CUEDC1: variants seen among roughly 807,000 people sequenced by gnomAD.
CUEDC1 encodes the protein CUE domain containing 1, also known as CUE domain-containing protein 1.
A neutral mutation model predicts 43.7 loss-of-function variants in CUEDC1; 30 were observed. The observed-to-expected ratio is 0.69, with a 90% CI of 0.51 to 0.93. The LOEUF (loss-of-function observed/expected upper bound fraction) is 0.93, where lower values mean the gene tolerates loss of function less well. Ranked by LOEUF, CUEDC1 falls within the 40% of genes least tolerant of loss-of-function variation. The pLI is 0.00. For synonymous variants in CUEDC1, 223 were observed against 223.6 expected, an observed-to-expected ratio of 1.00 and a Z score of 0.02; for missense variants, 486 against 549.0, an observed-to-expected ratio of 0.89 and a Z score of 1.15.
intron 2 of CUEDC1, among the ~76,000 whole-genome samples, chr17:57,883,273 G>T (rs1368928362): frequency 6.6e-6 from 1 of 152,210 alleles, no homozygotes; most frequent in Non-Finnish European, 1.5e-5. Flanking sequence ...ACACAGGGAT[G>T]AGCCAGATGT....
chr17:57,887,898 CTTTTT>C (rs748886251), intron 1 of CUEDC1, among the ~76,000 whole-genome samples: 1 of 118,032 alleles, frequency 8.5e-6, no homozygotes, highest in Non-Finnish European at 1.8e-5. Flanking sequence ...TTCTTTTTCT[CTTTTT>C]TTTTTTTTTT....
intron 1 of CUEDC1, among the ~76,000 whole-genome samples, chr17:57,953,207 C>T (rs907738743): frequency 2.6e-5 from 4 of 152,200 alleles, no homozygotes; most frequent in African/African-American, 9.7e-5. Context: ...CCAGCTGAAA[C>T]ACCAGAATAT....
intron 1 of CUEDC1, among the ~76,000 whole-genome samples, chr17:57,912,650 C>T (rs987189921): frequency 7.2e-5 from 11 of 151,986 alleles, no homozygotes; most frequent in African/African-American, 2.7e-4. Flanking sequence ...ATAAAGACAC[C>T]GTTTGGAAGA....
At chr17:57,914,616 G>T (rs911960450) in intron 1 of CUEDC1, among the ~76,000 whole-genome samples, 7 of 152,210 alleles carry the variant, frequency 4.6e-5, no homozygotes, top group Non-Finnish European at 1.0e-4. Context: ...AAGGGACAGG[G>T]ATAATGCTAT....
intron 2 of CUEDC1, among the ~76,000 whole-genome samples, chr17:57,880,651 A>G (rs1015250020): frequency 1.3e-5 from 2 of 152,168 alleles, no homozygotes; most frequent in Non-Finnish European, 2.9e-5. Context: ...TGGGGCAGCT[A>G]AACACATGGC....
intron 1 of CUEDC1, among the ~76,000 whole-genome samples, chr17:57,942,691 A>T (rs2074927552): frequency 6.6e-6 from 1 of 151,122 alleles, no homozygotes; most frequent in African/African-American, 2.4e-5. Context: ...ACCCGGCCAA[A>T]TTGTCTAGTT....
At position 57,907,839 on chromosome 17, in the gene CUEDC1, C is replaced by CAAA. The variant is rs869267040; in HGVS notation, c.-315-21963_-315-21961dup. Among the ~76,000 whole-genome samples, 222 of 83,876 alleles carry CAAA rather than the reference C, an allele frequency of 2.6e-3. 1 individual carries two copies. The highest frequency in any genetic ancestry group is 8.4e-3 in the African/African-American group (206 of 24,520). The allele number at this position is 83,876 out of a possible 152,430, so 55.0% of individuals were successfully genotyped here. A position where few individuals can be genotyped will look rare whatever the true frequency, so the allele number is the denominator to read the frequency against. ...CCAGCCTGGGCAAAAGAGTGAGACTCAAAAAAAAAAAAAAAAAATACTGTA... is the reference window on the plus strand; with the variant it reads ...CCAGCCTGGGCAAAAGAGTGAGACTCAAAAAAAAAAAAAAAAAAAAATACTGTA... On this transcript the variant is annotated intron_variant, in intron 1 of 10. Transcript: ENST00000577830.
chr17:57,929,804 CTCTT>C (rs1332557127), intron 1 of CUEDC1, among the ~76,000 whole-genome samples: 7 of 152,130 alleles, frequency 4.6e-5, no homozygotes, highest in Non-Finnish European at 5.9e-5. Flanking sequence ...GTCTCTCTCT[CTCTT>C]TTTCTTTTTT....
At chr17:57,951,665 G>C (rs958955135) in intron 1 of CUEDC1, among the ~76,000 whole-genome samples, 1 of 151,946 alleles carries the variant, frequency 6.6e-6, no homozygotes, top group African/African-American at 2.4e-5. Flanking sequence ...CACCATGTTG[G>C]CCAGGCTGGT....
intron 3 of CUEDC1, among the ~76,000 whole-genome samples, chr17:57,875,582 A>C (rs1255539979): frequency 6.6e-6 from 1 of 152,138 alleles, no homozygotes; most frequent in African/African-American, 2.4e-5. Flanking sequence ...ACGCAAATAA[A>C]AAAAAAAACT....
At chr17:57,888,095 G>A (rs1255709993) in intron 1 of CUEDC1, among the ~76,000 whole-genome samples, 1 of 151,354 alleles carries the variant, frequency 6.6e-6, no homozygotes, top group Non-Finnish European at 1.5e-5. Flanking sequence ...TGGAAATGGG[G>A]TTTTACCATG....
At chr17:57,914,382 G>A (rs936230391) in intron 1 of CUEDC1, among the ~76,000 whole-genome samples, 1 of 152,144 alleles carries the variant, frequency 6.6e-6, no homozygotes, top group Non-Finnish European at 1.5e-5. Context: ...GGGTCGGGAG[G>A]AGCTACCTCT....
chr17:57,875,415 A>C (rs73992333), intron 3 of CUEDC1, among the ~76,000 whole-genome samples: 8,133 of 152,218 alleles, frequency 0.053, 666 homozygotes, highest in African/African-American at 0.18. Context: ...CCTTGCTGCT[A>C]GGCCTGTGGT....
At chr17:57,912,980 G>A (rs2074600324) in intron 1 of CUEDC1, among the ~76,000 whole-genome samples, 1 of 152,114 alleles carries the variant, frequency 6.6e-6, no homozygotes, top group Admixed American at 6.5e-5. Flanking sequence ...GAGTAGCTAG[G>A]CCTACAGGCT....
intron 1 of CUEDC1, among the ~76,000 whole-genome samples, chr17:57,951,945 C>G (rs989181553): frequency 2.6e-5 from 4 of 152,176 alleles, no homozygotes; most frequent in Non-Finnish European, 5.9e-5. Flanking sequence ...AATGCGCTGA[C>G]ACATCAGAGG....
intron 1 of CUEDC1, among the ~76,000 whole-genome samples, chr17:57,921,955 A>G (rs1290204371): frequency 2.0e-5 from 3 of 152,162 alleles, no homozygotes; most frequent in Non-Finnish European, 4.4e-5. Context: ...TCTACTAAAG[A>G]TACAAAAATT....
intron 1 of CUEDC1, among the ~76,000 whole-genome samples, chr17:57,891,076 C>T (rs945398124): frequency 6.6e-6 from 1 of 152,210 alleles, no homozygotes; most frequent in Non-Finnish European, 1.5e-5. Flanking sequence ...CAATCTCATC[C>T]AGCCCCATGG....
intron 1 of CUEDC1, among the ~76,000 whole-genome samples, chr17:57,915,398 A>G (rs2074628846): frequency 6.6e-6 from 1 of 151,830 alleles, no homozygotes; most frequent in Non-Finnish European, 1.5e-5. Context: ...CTTGTGGACA[A>G]TGCAAAATCT....
At chr17:57,864,441 G>C (rs999740438) in intron 10 of CUEDC1, among the ~76,000 whole-genome samples, 1 of 152,136 alleles carries the variant, frequency 6.6e-6, no homozygotes, top group Admixed American at 6.5e-5. Context: ...TTTAGGGAGT[G>C]GGCGGAGCAA....
Sources: allele counts gnomAD v4.1 joint callset (sites outside exome capture counted in the v4.1 genomes callset), GRCh38; gene constraint gnomAD v4.1.1; transcripts MANE v1.5; gene names NCBI Gene and HGNC (gene_info 2026-07-23, HGNC 2026-07-21).